The following SAMD12 variants were observed in gnomAD, a reference collection of about 807,000 sequenced individuals.
The protein encoded by SAMD12 is sterile alpha motif domain containing 12, also known as sterile alpha motif domain-containing protein 12.
SAMD12 carries 9 observed loss-of-function variants against 15.0 expected under a neutral mutation model. That is an observed-to-expected ratio of 0.60 (90% CI 0.36 to 1.05). The LOEUF (loss-of-function observed/expected upper bound fraction) is 1.05, where lower values mean the gene tolerates loss of function less well. Ranked by LOEUF, SAMD12 falls within the 50% of genes least tolerant of loss-of-function variation. The pLI is 0.01. For synonymous variants in SAMD12, 86 were observed against 90.1 expected (o/e 0.96, Z 0.25); for missense variants, 230 against 234.2 (o/e 0.98, Z 0.12).
intron 2 of SAMD12, among the ~76,000 whole-genome samples, chr8:118,486,886 C>T (rs1389194327): frequency 1.3e-5 from 2 of 152,120 alleles, no homozygotes; most frequent in South Asian, 2.1e-4. Flanking sequence ...AGCAGAGGTG[C>T]CCTCCGACAG....
At chr8:118,150,097 G>C in the SAMD12 span, among the ~76,000 whole-genome samples, 4 of 152,280 alleles carry the variant, frequency 2.6e-5, no homozygotes, top group South Asian at 8.3e-4. Flanking sequence ...CTGCGATATG[G>C]TGAGTAGAGG....
At chr8:118,611,447 T>C (rs1828109641) in intron 1 of SAMD12, among the ~76,000 whole-genome samples, 1 of 152,236 alleles carries the variant, frequency 6.6e-6, no homozygotes, top group South Asian at 2.1e-4. Flanking sequence ...ATGACTCGAC[T>C]GAGGCAAGGA....
At chr8:118,590,308 T>C (rs945273649) in intron 1 of SAMD12, among the ~76,000 whole-genome samples, 2 of 152,202 alleles carry the variant, frequency 1.3e-5, no homozygotes, top group Non-Finnish European at 2.9e-5. Flanking sequence ...CAGGCTGCAC[T>C]TAGGTACCCC....
intron 2 of SAMD12, among the ~76,000 whole-genome samples, chr8:118,537,335 C>T (rs1204496243): frequency 6.6e-6 from 1 of 152,000 alleles, no homozygotes; most frequent in Non-Finnish European, 1.5e-5. Flanking sequence ...TTGGGAAGTT[C>T]TCTGTTATTA....
intron 4 of SAMD12, among the ~76,000 whole-genome samples, chr8:118,338,777 A>G (rs2514944): frequency 0.67 from 101,335 of 151,752 alleles, 34,330 homozygotes; most frequent in East Asian, 0.83. Context: ...CTTGGAAATT[A>G]ACAGGGCAGC....
intron 4 of SAMD12, among the ~76,000 whole-genome samples, chr8:118,367,485 T>G (rs542242916): frequency 3.9e-5 from 6 of 152,334 alleles, no homozygotes; most frequent in Admixed American, 1.3e-4. Flanking sequence ...ATTAGTAATT[T>G]AAGATCCTTC....
At chr8:118,611,523 C>G (rs533631293) in intron 1 of SAMD12, among the ~76,000 whole-genome samples, 3 of 152,272 alleles carry the variant, frequency 2.0e-5, no homozygotes, top group African/African-American at 7.2e-5. Context: ...ACCAGTTTCA[C>G]CTTCTCTTCC....
intron 2 of SAMD12, among the ~76,000 whole-genome samples, chr8:118,535,353 C>T (rs1825809124): frequency 3.9e-5 from 6 of 152,188 alleles, no homozygotes; most frequent in Admixed American, 3.9e-4. Flanking sequence ...TGTCAGTCTG[C>T]CCCTACTGGA....
intron 4 of SAMD12, among the ~76,000 whole-genome samples, chr8:118,306,190 G>C (rs1815339587): frequency 6.6e-6 from 1 of 152,120 alleles, no homozygotes; most frequent in Non-Finnish European, 1.5e-5. Context: ...AAAACACTTG[G>C]AGTGGCATCT....
intron 4 of SAMD12, among the ~76,000 whole-genome samples, chr8:118,289,592 G>A (rs1414083724): frequency 1.3e-5 from 2 of 152,200 alleles, no homozygotes; most frequent in African/African-American, 4.8e-5. Flanking sequence ...ATGTTGCCAT[G>A]TGTGATGGAC....
chr8:118,174,566 C>A, the SAMD12 span, among the ~76,000 whole-genome samples: 1 of 152,128 alleles, frequency 6.6e-6, no homozygotes. Context: ...AAATGCTCCA[C>A]TTCCAGGAGC....
At chr8:118,160,464 G>T in the SAMD12 span, among the ~76,000 whole-genome samples, 1 of 152,138 alleles carries the variant, frequency 6.6e-6, no homozygotes, top group Non-Finnish European at 1.5e-5. Flanking sequence ...TAGTAATCAA[G>T]CCAGTGTCAT....
chr8:118,514,254 A>G (rs1053495647), intron 2 of SAMD12, among the ~76,000 whole-genome samples: 1 of 152,236 alleles, frequency 6.6e-6, no homozygotes, highest in Non-Finnish European at 1.5e-5. Context: ...GAAATTTTGA[A>G]CATTTATATA....
chr8:118,553,726 G>A (rs1381529851), intron 2 of SAMD12, among the ~76,000 whole-genome samples: 5 of 151,328 alleles, frequency 3.3e-5, no homozygotes, highest in South Asian at 2.1e-4. Context: ...AAAAGAAACT[G>A]CCATCAGAGT....
chr8:118,169,408 C>G, the SAMD12 span, among the ~76,000 whole-genome samples: 1 of 152,026 alleles, frequency 6.6e-6, no homozygotes, highest in Non-Finnish European at 1.5e-5. Flanking sequence ...GAATGATACA[C>G]TTTCTTTTTA....
downstream of SAMD12, among the ~76,000 whole-genome samples, chr8:118,376,623 CAACA>C: frequency 6.6e-6 from 1 of 152,208 alleles, no homozygotes; most frequent in East Asian, 1.9e-4. Context: ...TAATCATCAA[CAACA>C]AACAATTAAA....
rs16890917 is a variant in SAMD12, at chr8:118,378,476, C to T, written c.*941G>A. 11,119 of 984,182 alleles carry T rather than the reference C, an allele frequency of 0.011. 860 individuals are homozygous for T. The African/African-American group carries it at 0.17, about 15-fold the overall frequency. The allele number at this position is 984,182 out of a possible 1,614,324, so 61.0% of individuals were successfully genotyped here. On this transcript the variant is annotated 3_prime_UTR_variant, in exon 4 of 4. Coordinates refer to ENST00000314727, the MANE Select transcript of SAMD12 (RefSeq NM_207506.3). ...ATATGAGACAAACAATACTATTTTA[C>T]GATCACTTGAAATCTATATTTATCC...
At chr8:118,299,185 G>A (rs1248097292) in intron 4 of SAMD12, among the ~76,000 whole-genome samples, 1 of 152,136 alleles carries the variant, frequency 6.6e-6, no homozygotes, top group Non-Finnish European at 1.5e-5. Flanking sequence ...TACATGGGAA[G>A]GTCTAGAGGG....
chr8:118,228,386 G>A (rs1250927617), intron 4 of SAMD12, among the ~76,000 whole-genome samples: 1 of 152,126 alleles, frequency 6.6e-6, no homozygotes, highest in Non-Finnish European at 1.5e-5. Context: ...CTATACATCT[G>A]ACAAAGGACT....
Sources: gnomAD v4.1 joint callset for allele counts (sites outside exome capture counted in the v4.1 genomes callset) on GRCh38, gnomAD v4.1.1 for gene constraint, MANE v1.5 for transcripts, NCBI Gene and HGNC (gene_info 2026-07-23, HGNC 2026-07-21) for gene names.